The following CNTNAP5 variants were observed in gnomAD, a reference collection of about 807,000 sequenced individuals.
CNTNAP5 encodes the protein contactin associated protein family member 5, also known as contactin-associated protein-like 5.
Under a neutral mutation model 150.2 loss-of-function variants are expected in CNTNAP5, and 72 were observed. That is an observed-to-expected ratio of 0.48 (90% CI 0.40 to 0.58). The LOEUF (loss-of-function observed/expected upper bound fraction) is 0.58, where lower values mean the gene tolerates loss of function less well. Among genes scored for constraint, CNTNAP5 ranks in the 20% least tolerant of loss-of-function variants. The pLI is 0.00. For synonymous variants in CNTNAP5, 672 were observed against 619.8 expected (o/e 1.08, Z -1.25); for missense variants, 1,636 against 1,626.2 (o/e 1.01, Z -0.10).
intron 1 of CNTNAP5, among the ~76,000 whole-genome samples, chr2:124,194,365 TCA>T (rs1685528387): frequency 9.2e-6 from 1 of 109,236 alleles, no homozygotes; most frequent in Non-Finnish European, 1.8e-5. Context: ...ATAAATTAGG[TCA>T]TATATATATA....
At chr2:124,847,641 C>A (rs1397996329) in intron 19 of CNTNAP5, among the ~76,000 whole-genome samples, 1 of 152,192 alleles carries the variant, frequency 6.6e-6, no homozygotes, top group East Asian at 1.9e-4. Context: ...GTTCTCTTAG[C>A]TTTCCTGGTA....
intron 1 of CNTNAP5, among the ~76,000 whole-genome samples, chr2:124,102,416 C>T (rs1195834529): frequency 6.6e-6 from 1 of 152,136 alleles, no homozygotes; most frequent in Non-Finnish European, 1.5e-5. Context: ...AGGAACACAG[C>T]GCCAGAAGTT....
At chr2:124,775,115 T>G (rs1221050515) in intron 17 of CNTNAP5, among the ~76,000 whole-genome samples, 1 of 152,170 alleles carries the variant, frequency 6.6e-6, no homozygotes, top group Non-Finnish European at 1.5e-5. Flanking sequence ...AAGAATAAAA[T>G]GCTGTTGGAG....
At chr2:124,367,415 G>T (rs1185846241) in intron 3 of CNTNAP5, among the ~76,000 whole-genome samples, 1 of 152,172 alleles carries the variant, frequency 6.6e-6, no homozygotes, top group African/African-American at 2.4e-5. Flanking sequence ...AGTGCAAACT[G>T]TCAGATCTCA....
chr2:124,156,106 A>G (rs1684522022), intron 1 of CNTNAP5, among the ~76,000 whole-genome samples: 1 of 152,222 alleles, frequency 6.6e-6, no homozygotes, highest in South Asian at 2.1e-4. Context: ...ACACAGACAA[A>G]TAGAGTTGAC....
intron 3 of CNTNAP5, among the ~76,000 whole-genome samples, chr2:124,357,507 T>G (rs1169381168): frequency 2.0e-5 from 3 of 152,048 alleles, no homozygotes; most frequent in Non-Finnish European, 4.4e-5. Flanking sequence ...AGGGATCCAG[T>G]TTCAGCTTTC....
intron 1 of CNTNAP5, among the ~76,000 whole-genome samples, chr2:124,156,794 T>A (rs1024643270): frequency 4.6e-5 from 7 of 152,198 alleles, no homozygotes; most frequent in African/African-American, 1.7e-4. Flanking sequence ...CAGCCCATTT[T>A]GCCTAATTTT....
intron 21 of CNTNAP5, among the ~76,000 whole-genome samples, chr2:124,871,740 T>G (rs1201463086): frequency 6.6e-6 from 1 of 152,142 alleles, no homozygotes; most frequent in Non-Finnish European, 1.5e-5. Context: ...CATCCTTTTT[T>G]CTTTGATGTT....
intron 11 of CNTNAP5, among the ~76,000 whole-genome samples, chr2:124,589,684 C>T (rs1045880123): frequency 1.3e-5 from 2 of 152,066 alleles, no homozygotes; most frequent in African/African-American, 2.4e-5. Flanking sequence ...ATTTATGGCA[C>T]GATATTTAAA....
chr2:124,743,938 A>G (rs1364304681), intron 13 of CNTNAP5, among the ~76,000 whole-genome samples: 1 of 152,224 alleles, frequency 6.6e-6, no homozygotes, highest in African/African-American at 2.4e-5. Flanking sequence ...AGATGGCCAC[A>G]GGTGACTTAT....
chr2:124,077,896 G>A (rs946339758), intron 1 of CNTNAP5, among the ~76,000 whole-genome samples: 6 of 152,122 alleles, frequency 3.9e-5, no homozygotes, highest in African/African-American at 1.2e-4. Flanking sequence ...TTTGTTGTAA[G>A]GTCCATTAAA....
intron 3 of CNTNAP5, among the ~76,000 whole-genome samples, chr2:124,244,422 C>G (rs1686966826): frequency 6.6e-6 from 1 of 152,094 alleles, no homozygotes; most frequent in South Asian, 2.1e-4. Context: ...GAGACTTTCC[C>G]CATTCCCTAC....
intron 12 of CNTNAP5, among the ~76,000 whole-genome samples, chr2:124,610,429 T>G (rs1005796701): frequency 6.6e-6 from 1 of 152,164 alleles, no homozygotes; most frequent in Non-Finnish European, 1.5e-5. Context: ...ATCATGTGTA[T>G]TGGAGCAGCT....
chr2:124,400,392 A>C (rs991907482), intron 3 of CNTNAP5, among the ~76,000 whole-genome samples: 6 of 152,176 alleles, frequency 3.9e-5, no homozygotes, highest in Admixed American at 2.6e-4. Context: ...TACTAAAGCT[A>C]CTGCCATGCA....
At chr2:124,378,160 AT>A (rs1398477389) in intron 3 of CNTNAP5, among the ~76,000 whole-genome samples, 21 of 152,114 alleles carry the variant, frequency 1.4e-4, no homozygotes, top group Admixed American at 1.3e-4. Flanking sequence ...ATATATATCC[AT>A]CACAAAACCT....
At position 124,818,416 on chromosome 2, in the gene CNTNAP5, A is replaced by G. The variant is rs150536918; in HGVS notation, c.3217+20096A>G. Among the ~76,000 whole-genome samples, 150 of 152,218 alleles carry G rather than the reference A, an allele frequency of 9.9e-4. 1 individual carries two copies. The highest frequency in any genetic ancestry group is 3.3e-3 in the African/African-American group (139 of 41,540). ...CATGTGACTGTAGGTTGTCCCAGCT[A>G]CTTGGGAGGCAGAGGTGAGAGGATG... On this transcript the variant is annotated intron_variant, in intron 19 of 23. Coordinates refer to ENST00000682447, the MANE Select transcript of CNTNAP5 (RefSeq NM_001367498.1).
chr2:124,248,478 C>T (rs1209429765), intron 3 of CNTNAP5, among the ~76,000 whole-genome samples: 1 of 152,178 alleles, frequency 6.6e-6, no homozygotes, highest in Middle Eastern at 3.2e-3. Flanking sequence ...GATCTTATAA[C>T]TGGATAGAGC....
chr2:124,081,264 C>T (rs918236133), intron 1 of CNTNAP5, among the ~76,000 whole-genome samples: 9 of 152,026 alleles, frequency 5.9e-5, no homozygotes, highest in African/African-American at 1.4e-4. Context: ...TAGAACCACC[C>T]TTTGGGAAAC....
intron 1 of CNTNAP5, among the ~76,000 whole-genome samples, chr2:124,211,941 A>G (rs1686024810): frequency 6.6e-6 from 1 of 152,230 alleles, no homozygotes; most frequent in South Asian, 2.1e-4. Flanking sequence ...GAAACACTCA[A>G]TGCAGGATCA....
Sources: gnomAD v4.1 joint callset for allele counts (sites outside exome capture counted in the v4.1 genomes callset) on GRCh38, gnomAD v4.1.1 for gene constraint, MANE v1.5 for transcripts, NCBI Gene and HGNC (gene_info 2026-07-23, HGNC 2026-07-21) for gene names.